The following PSG9 variants were observed in gnomAD, a reference collection of about 807,000 sequenced individuals.
PSG9 encodes the protein pregnancy specific beta-1-glycoprotein 9, also known as pregnancy-specific beta-1-glycoprotein 9.
PSG9 carries 49 observed loss-of-function variants against 41.9 expected under a neutral mutation model. That is an observed-to-expected ratio of 1.17 (90% CI 0.93 to 1.48). The LOEUF (loss-of-function observed/expected upper bound fraction) is 1.48. PSG9 is among the 40% of genes most tolerant of loss of function. The pLI is 0.00. For missense variants in PSG9, 641 were observed against 520.3 expected, an observed-to-expected ratio of 1.23 and a Z score of -2.26; for synonymous variants, 263 against 196.8, an observed-to-expected ratio of 1.34 and a Z score of -2.82.
rs1063025 is a variant in PSG9 at position 43,257,853 on chromosome 19, A to C, written c.1243+349T>G. 2.0e-5 allele frequency: 28 copies of C among 1,376,772 alleles called. No homozygotes were observed. The South Asian group carries it at 2.4e-4, about 12-fold the overall frequency. The allele number at this position is 1,376,772 out of a possible 1,614,324, so 85.3% of individuals were successfully genotyped here. On this transcript the variant is annotated intron_variant, in intron 5 of 5. Coordinates refer to ENST00000270077, the MANE Select transcript of PSG9 (RefSeq NM_002784.5). ...AGCTCATGGAATAGGTACAAGAAAA[A>C]AAAGACGTGGCAGAAGGGGATGTGT...
At position 43,267,062 on chromosome 19, in the gene PSG9, G is replaced by A. The variant is rs1969003284; in HGVS notation, c.430+722C>T. On this transcript the variant is annotated intron_variant, in intron 2 of 5. Transcript: ENST00000270077. ...TATGTCAGATCCCTGTGGACAAGCT[G>A]CTACCAGGTACATCTTCTCCCTTCT... 2.6e-5 allele frequency among the ~76,000 whole-genome samples: 4 copies of A among 152,140 alleles called. No homozygotes were observed. In the South Asian group the frequency reaches 6.2e-4, roughly 24 times the overall value.
chr19:43,259,260 G>A lies in PSG9; in HGVS notation c.710-125C>T, dbSNP rs1599823258. On this transcript the variant is annotated intron_variant, in intron 3 of 5. Transcript: ENST00000270077. ...CCGAGTCCTTGAAAGCCAATAGCTG[G>A]TGCGTGTGTCACAAGACAGATGCAT... is the stretch of plus-strand genomic sequence containing the variant. The A allele has an allele frequency of 2.1e-6, 3 of 1,421,748 alleles. 1 individual carries two copies. Among genetic ancestry groups the A allele is most frequent in the African/African-American group, 1.5e-5 (1 of 65,516 alleles). 88.1% of individuals were successfully genotyped at this position (1,421,748 alleles called of 1,614,324 possible).
intron 5 of PSG9, among the ~76,000 whole-genome samples, chr19:43,255,719 T>A (rs1968421846): frequency 6.8e-6 from 1 of 146,060 alleles, no homozygotes; most frequent in South Asian, 2.2e-4. Flanking sequence ...CCATGAACAA[T>A]CTGAAGGGAA....
chr19:43,261,852 A>G lies in PSG9; in HGVS notation c.709+8T>C, dbSNP rs372741250. On this transcript the variant is annotated splice_region_variant and intron_variant, in intron 3 of 5. Transcript: ENST00000270077. ...AGCCTGGCTCACAGAGGAACAGAAGATACTCACGGAGGAGATTCAGGGTGA... is the reference window on the plus strand; with the variant it reads ...AGCCTGGCTCACAGAGGAACAGAAGGTACTCACGGAGGAGATTCAGGGTGA... The G allele has an allele frequency of 3.1e-6, 5 of 1,614,038 alleles. No individual in the cohort carries two copies. The highest frequency in any genetic ancestry group is 4.2e-6 in the Non-Finnish European group (5 of 1,179,930).
In PSG9 at chr19:43,259,107, G is replaced by T; in HGVS notation, c.738C>A (p.Ile246=). The T allele has an allele frequency of 6.3e-7, 1 of 1,590,720 alleles. No homozygotes were observed. The highest frequency in any genetic ancestry group is 1.4e-5 in the African/African-American group (1 of 70,640). The change falls in exon 4 of 6, where the codon ATC becomes ATA. Residue 246 remains isoleucine, a synonymous_variant. Coordinates refer to ENST00000270077, the MANE Select transcript of PSG9 (RefSeq NM_002784.5). ...LPKLPIPYIT[I]NNLNPRENKD... ...TATTCTCCCTGGGGTTTAAGTTGTT[G>T]ATGGTGATGTAGGGGATGGGCAGCT...
intron 5 of PSG9, chr19:43,257,768 T>G: frequency 7.9e-7 from 1 of 1,264,782 alleles, no homozygotes; most frequent in Admixed American, 4.0e-5. Flanking sequence ...CCCAAGGGGC[T>G]TCCTCCTCTC....
At chr19:43,258,028 A>T (rs1227153789) in intron 5 of PSG9, 174 bp downstream of exon 5, 1 of 1,551,722 alleles carries the variant, frequency 6.4e-7, no homozygotes, top group African/African-American at 1.5e-5. Context: ...AAACAGAAAA[A>T]CAAGGAGAAG....
chr19:43,259,738 CA>C, intron 3 of PSG9: 1 of 151,088 alleles, frequency 6.6e-6, no homozygotes, highest in South Asian at 2.0e-4. Context: ...CAGTTTTTTG[CA>C]GGTGTTTCAT....
Position 43,258,302 on chromosome 19 carries a change from G to T in PSG9, c.1143C>A (p.Ile381=). ...KFQQSGQKLF[I]PQITRNHSGL... ...CGCTATGATTTCTAGTAATTTGGGG[G>T]ATAAAGAGCTTTTGTCCTGATTGCT... Residue 381 remains isoleucine, a synonymous_variant, in exon 5 of 6, where the codon ATC becomes ATA. Coordinates refer to ENST00000270077, the MANE Select transcript of PSG9 (RefSeq NM_002784.5). 6.3e-7 allele frequency: 1 copy of T among 1,592,696 alleles called. No homozygotes were observed. The highest frequency in any genetic ancestry group is 1.7e-4 in the Middle Eastern group (1 of 5,988).
rs746174208 is a variant in PSG9 at position 43,267,912 on chromosome 19, A to G, written c.302T>C (p.Val101Ala). 16 of 1,613,664 alleles carry G rather than the reference A, an allele frequency of 9.9e-6. No individual in the cohort carries two copies. The highest frequency in any genetic ancestry group is 9.9e-5 in the South Asian group (9 of 91,076). ...GATCAGCAGGGATGCGTTGGAATAT[A>G]CTGTTTCTCTTCCACTGTATGCAGG... ...YGPAYSGRETVYSNASLLIQN... is the reference protein window; with the variant it reads ...YGPAYSGRETAYSNASLLIQN... Residue 101 changes from valine (V) to alanine (A), a missense_variant, in exon 2 of 6, where the codon GTA becomes GCA. Val to Ala is a moderately conservative substitution (Grantham distance 64). Transcript: ENST00000270077.
chr19:43,258,288 C>G lies in PSG9; in HGVS notation c.1157G>C (p.Arg386Thr), dbSNP rs147266005. The change falls in exon 5 of 6, where the codon AGA becomes ACA. Residue 386 changes from arginine (R) to threonine (T), a missense_variant. Coordinates refer to ENST00000270077, the MANE Select transcript of PSG9 (RefSeq NM_002784.5). ...GCAAGCATAGAGCCCGCTATGATTT[C>G]TAGTAATTTGGGGGATAAAGAGCTT... is the stretch of plus-strand genomic sequence containing the variant. ...GQKLFIPQIT[R>T]NHSGLYACSV... The G allele has an allele frequency of 6.1e-4, 964 of 1,592,670 alleles. 139 individuals carry two copies. In the African/African-American group the frequency reaches 0.012, roughly 20 times the overall value.
In PSG9 at chr19:43,253,920, C is replaced by A; in HGVS notation, c.1244-274G>T. On this transcript the variant is annotated intron_variant, in intron 5 of 5. Transcript: ENST00000270077. ...TGGGTTCTCCCATACTACCTTCATG[C>A]CTGCTCCACATTCCCTCACAGGTGT... 1.4e-5 allele frequency among the ~76,000 whole-genome samples: 2 copies of A among 146,236 alleles called. 1 individual carries two copies. Among genetic ancestry groups the A allele is most frequent in the Non-Finnish European group, 3.0e-5 (2 of 67,352 alleles).
At chr19:43,261,681 C>T (rs1968720412) in intron 3 of PSG9, among the ~76,000 whole-genome samples, 179 bp downstream of exon 3, 3 of 152,102 alleles carry the variant, frequency 2.0e-5, no homozygotes, top group Admixed American at 2.0e-4. Flanking sequence ...CTCTTTTCTC[C>T]CATTGTTGAT....
intron 2 of PSG9, among the ~76,000 whole-genome samples, chr19:43,263,278 C>G (rs1809623339): frequency 6.6e-6 from 1 of 152,068 alleles, no homozygotes; most frequent in Non-Finnish European, 1.5e-5. Context: ...AGCTTCATGC[C>G]TATAGTTCAT....
At position 43,259,060 on chromosome 19, in the gene PSG9, C is replaced by G; in HGVS notation, c.785G>C (p.Cys262Ser). 1 of 1,590,496 alleles carries G rather than the reference C, an allele frequency of 6.3e-7. No homozygotes were observed. The highest frequency in any genetic ancestry group is 8.5e-7 in the Non-Finnish European group (1 of 1,174,412). ...GGTGTAGTTCTCACTCTTAGGTTCA[C>G]AGGTGAAGGCTAAGACATCCTTATT... The part of the protein sequence containing the change: ...RENKDVLAFT[C>S]EPKSENYTYI... The change falls in exon 4 of 6, where the codon TGT becomes TCT. Residue 262 changes from cysteine to serine, a missense_variant. Transcript: ENST00000270077.
At chr19:43,267,437 G>A (rs1413272983) in intron 2 of PSG9, among the ~76,000 whole-genome samples, 1 of 152,136 alleles carries the variant, frequency 6.6e-6, no homozygotes, top group Non-Finnish European at 1.5e-5. Context: ...GTATCTCAGG[G>A]GTCCCCTCAA....
chr19:43,265,867 TG>T (rs1968942033), intron 2 of PSG9, among the ~76,000 whole-genome samples: 2 of 152,028 alleles, frequency 1.3e-5, no homozygotes, highest in African/African-American at 2.4e-5. Context: ...CTTAGTGACC[TG>T]GGGACATTGG....
intron 2 of PSG9, among the ~76,000 whole-genome samples, chr19:43,264,502 G>T (rs1330186138): frequency 1.3e-5 from 2 of 151,772 alleles, no homozygotes; most frequent in African/African-American, 4.8e-5. Context: ...CTGTCACCCT[G>T]ACTGGAGTGC....
chr19:43,261,302 G>A (rs1968698782), intron 3 of PSG9, among the ~76,000 whole-genome samples: 1 of 152,022 alleles, frequency 6.6e-6, no homozygotes, highest in Admixed American at 6.6e-5. Flanking sequence ...TTAGTGATTT[G>A]GGGGATAAAG....
Sources: allele counts gnomAD v4.1 joint callset (sites outside exome capture counted in the v4.1 genomes callset), GRCh38; gene constraint gnomAD v4.1.1; transcripts MANE v1.5; gene names NCBI Gene and HGNC (gene_info 2026-07-23, HGNC 2026-07-21).